Variants in ESRRG observed in about 807,000 individuals in gnomAD.
The protein encoded by ESRRG is estrogen-related receptor gamma.
In ESRRG, 13 loss-of-function variants were observed where a neutral mutation model predicts 44.0. The ratio of observed to expected loss-of-function variants is 0.30; its 90% CI spans 0.19 to 0.47. The LOEUF is 0.47. Among genes scored for constraint, ESRRG ranks in the 20% least tolerant of loss-of-function variants. The pLI is 1.00. For synonymous variants in ESRRG, 215 were observed against 214.6 expected, an observed-to-expected ratio of 1.00 and a Z score of -0.02; for missense variants, 395 against 580.6, an observed-to-expected ratio of 0.68 and a Z score of 3.29.
chr1:217,095,257 G>A (rs2151557351), intron 1 of ESRRG, among the ~76,000 whole-genome samples: 1 of 152,306 alleles, frequency 6.6e-6, no homozygotes, highest in African/African-American at 2.4e-5. Context: ...TGATGGCCTT[G>A]AGACACAATA....
chr1:216,947,508 ATTAG>A (rs2066237923), intron 1 of ESRRG, among the ~76,000 whole-genome samples: 2 of 152,226 alleles, frequency 1.3e-5, no homozygotes, highest in East Asian at 1.9e-4. Flanking sequence ...TTTTTTCAGA[ATTAG>A]TTAGTAAAAT....
At chr1:217,032,375 T>C (rs2082204820) in intron 1 of ESRRG, among the ~76,000 whole-genome samples, 1 of 152,170 alleles carries the variant, frequency 6.6e-6, no homozygotes, top group Non-Finnish European at 1.5e-5. Flanking sequence ...TCTTCCCAGT[T>C]ACTTCTAGTG....
intron 1 of ESRRG, among the ~76,000 whole-genome samples, chr1:216,972,096 T>A (rs1177896671): frequency 1.3e-5 from 2 of 152,192 alleles, no homozygotes; most frequent in Non-Finnish European, 2.9e-5. Flanking sequence ...TAATAGATAG[T>A]TCAACTTGCA....
At chr1:216,789,811 A>G (rs2094255367) in intron 2 of ESRRG, among the ~76,000 whole-genome samples, 1 of 152,154 alleles carries the variant, frequency 6.6e-6, no homozygotes, top group Non-Finnish European at 1.5e-5. Flanking sequence ...TATAGGAGAA[A>G]GGCCACCAGA....
intron 1 of ESRRG, among the ~76,000 whole-genome samples, chr1:216,941,032 C>T (rs2576271): frequency 6.6e-6 from 1 of 152,040 alleles, no homozygotes; most frequent in Non-Finnish European, 1.5e-5. Context: ...CAAGAAAGGA[C>T]TGTGCTTTAC....
intron 2 of ESRRG, among the ~76,000 whole-genome samples, chr1:216,928,128 T>C (rs915244024): frequency 2.0e-5 from 3 of 152,146 alleles, no homozygotes; most frequent in African/African-American, 7.2e-5. Context: ...CTTCATATTG[T>C]TGTTAATTAT....
At position 216,793,732 on chromosome 1, in the gene ESRRG, C is replaced by G. The variant is rs144610290; in HGVS notation, c.-13-116241G>C. ...AATTAATTTGTTATGTGTCCTAATA[C>G]AAAGCAAAAGGTACTATAGGTTTTT... On this transcript the variant is annotated intron_variant, in intron 2 of 7. Coordinates refer to the ESRRG transcript ENST00000359162. Among the ~76,000 whole-genome samples the G allele has an allele frequency of 2.0e-5, 3 of 152,272 alleles. No individual in the cohort carries two copies. The East Asian group carries it at 5.8e-4, about 29-fold the overall frequency.
At chr1:216,514,995 T>A (rs1039317826) in intron 6 of ESRRG, among the ~76,000 whole-genome samples, 3 of 142,548 alleles carry the variant, frequency 2.1e-5, no homozygotes, top group African/African-American at 7.5e-5. Context: ...CAACACACAC[T>A]TACATATGCA....
intron 2 of ESRRG, among the ~76,000 whole-genome samples, chr1:216,845,368 C>G (rs1328989210): frequency 6.6e-6 from 1 of 152,100 alleles, no homozygotes; most frequent in Non-Finnish European, 1.5e-5. Flanking sequence ...GACACAAACT[C>G]TCTTCACCTG....
At chr1:216,997,235 A>T (rs992586732) in intron 1 of ESRRG, among the ~76,000 whole-genome samples, 1 of 152,206 alleles carries the variant, frequency 6.6e-6, no homozygotes, top group Admixed American at 6.5e-5. Flanking sequence ...CATTAAAGTC[A>T]TTCTAAATTG....
chr1:217,009,995 C>T (rs1297498318), intron 1 of ESRRG, among the ~76,000 whole-genome samples: 9 of 152,024 alleles, frequency 5.9e-5, no homozygotes, highest in Admixed American at 4.6e-4. Flanking sequence ...TGAGCCACCG[C>T]GCCCGGCCTG....
intron 1 of ESRRG, among the ~76,000 whole-genome samples, chr1:216,966,575 A>C (rs918702867): frequency 6.6e-6 from 1 of 152,172 alleles, no homozygotes; most frequent in Non-Finnish European, 1.5e-5. Context: ...ATTTAGATAT[A>C]TAGGCATCTC....
At chr1:216,891,174 T>C (rs1317614947) in intron 2 of ESRRG, among the ~76,000 whole-genome samples, 1 of 152,212 alleles carries the variant, frequency 6.6e-6, no homozygotes, top group Non-Finnish European at 1.5e-5. Context: ...TGCCGACAGA[T>C]TATAACATTA....
At chr1:216,821,489 C>T (rs1259310841) in intron 2 of ESRRG, among the ~76,000 whole-genome samples, 1 of 151,490 alleles carries the variant, frequency 6.6e-6, no homozygotes, top group Non-Finnish European at 1.5e-5. Context: ...AGTTTGAGAG[C>T]AGCCTTGGCA....
At chr1:216,866,431 A>G (rs1024663525) in intron 2 of ESRRG, among the ~76,000 whole-genome samples, 7 of 152,318 alleles carry the variant, frequency 4.6e-5, no homozygotes, top group Non-Finnish European at 1.5e-5. Context: ...GGAAAGCAAC[A>G]AGCATGTACA....
chr1:216,776,995 C>T (rs1202769878), intron 2 of ESRRG, among the ~76,000 whole-genome samples: 1 of 152,078 alleles, frequency 6.6e-6, no homozygotes, highest in African/African-American at 2.4e-5. Context: ...GACTCCACAC[C>T]TAGTCTTCTC....
At chr1:216,570,917 C>G (rs1203741382) in intron 3 of ESRRG, among the ~76,000 whole-genome samples, 1 of 152,192 alleles carries the variant, frequency 6.6e-6, no homozygotes, top group Non-Finnish European at 1.5e-5. Context: ...GAACAAAACA[C>G]TACATATTCT....
intron 2 of ESRRG, among the ~76,000 whole-genome samples, chr1:216,769,440 T>C (rs904459293): frequency 6.6e-6 from 1 of 152,034 alleles, no homozygotes; most frequent in African/African-American, 2.4e-5. Flanking sequence ...TAGTGTGAGA[T>C]GACATTGGGA....
At chr1:216,617,406 A>T (rs753736534) in intron 3 of ESRRG, among the ~76,000 whole-genome samples, 1 of 152,122 alleles carries the variant, frequency 6.6e-6, no homozygotes, top group Non-Finnish European at 1.5e-5. Context: ...CATAAATAGC[A>T]GCAGCAACGC....
Sources: allele counts gnomAD v4.1 joint callset (sites outside exome capture counted in the v4.1 genomes callset), GRCh38; gene constraint gnomAD v4.1.1; transcripts MANE v1.5; gene names NCBI Gene and HGNC (gene_info 2026-07-23, HGNC 2026-07-21).